PRDM16: variants seen among roughly 807,000 people sequenced by gnomAD.
PRDM16 encodes the protein PR/SET domain 16.
A neutral mutation model predicts 110.6 loss-of-function variants in PRDM16; 23 were observed. The ratio of observed to expected loss-of-function variants is 0.21; its 90% CI spans 0.15 to 0.29. The LOEUF is 0.29. Among genes scored for constraint, PRDM16 ranks in the 10% least tolerant of loss-of-function variants. PRDM16 has a pLI of 1.00. For missense variants in PRDM16, 1,615 were observed against 1,794.3 expected, an observed-to-expected ratio of 0.90 and a Z score of 1.81; for synonymous variants, 799 against 781.8, an observed-to-expected ratio of 1.02 and a Z score of -0.37.
chr1:3,254,055 T>G (rs1639997407), intron 3 of PRDM16, among the ~76,000 whole-genome samples: 1 of 152,190 alleles, frequency 6.6e-6, no homozygotes, highest in Non-Finnish European at 1.5e-5. Context: ...TTGATGGGGT[T>G]GTTTTTTTTC....
chr1:3,417,608 A>T (rs961931090), intron 10 of PRDM16, among the ~76,000 whole-genome samples: 11 of 152,224 alleles, frequency 7.2e-5, no homozygotes, highest in Non-Finnish European at 1.2e-4. Context: ...CTTAAACTAC[A>T]AACGAGGGAC....
chr1:3,139,588 C>A (rs531372137), intron 1 of PRDM16, among the ~76,000 whole-genome samples: 2 of 152,254 alleles, frequency 1.3e-5, no homozygotes, highest in Admixed American at 6.5e-5. Context: ...AATGCCATCG[C>A]GAATAATGCC....
chr1:3,390,834 G>GTTTT lies in PRDM16; in HGVS notation c.573+5564_573+5567dup, dbSNP rs34675402. 2.4e-5 allele frequency among the ~76,000 whole-genome samples: 3 copies of GTTTT among 125,690 alleles called. No individual in the cohort carries two copies. The highest frequency in any genetic ancestry group is 2.4e-4 in the East Asian group (1 of 4,194). 82.5% of individuals were successfully genotyped at this position (125,690 alleles called of 152,430 possible). ...CCTTTGCTTTTATCTCTCACAGTGT[G>GTTTT]TTTTTTTTTTTTTTTTTTTAGACAG... On this transcript the variant is annotated intron_variant, in intron 4 of 16. Transcript: ENST00000270722. This position sits in a 1 kb window ranked among gnomAD's most constrained non-coding sequence, Gnocchi z 5.0.
rs542668680 is a variant in PRDM16, at chr1:3,246,436, G to A, written c.438+2299G>A. On this transcript the variant is annotated intron_variant, in intron 3 of 16. Transcript: ENST00000270722. The surrounding 1 kb of genome is among the most constrained non-coding windows in gnomAD (Gnocchi z 5.2). ...GCACGAGACCCCCCACGGCACCGCC[G>A]CGACTGCAGGGAGCTCAGCGCAGGG... Among the ~76,000 whole-genome samples, 67 of 152,208 alleles carry A rather than the reference G, an allele frequency of 4.4e-4. No homozygotes were observed. The highest frequency in any genetic ancestry group is 1.3e-3 in the African/African-American group (55 of 41,448).
intron 2 of PRDM16, among the ~76,000 whole-genome samples, chr1:3,186,958 C>T (rs1477949868): frequency 1.3e-5 from 2 of 152,210 alleles, no homozygotes; most frequent in African/African-American, 4.8e-5. Flanking sequence ...AGAGCAGCCT[C>T]AGCTTCTCCA....
chr1:3,418,557 C>T, intron 11 of PRDM16, 110 bp from the exon 12 acceptor site: 1 of 742,202 alleles, frequency 1.3e-6, no homozygotes. Flanking sequence ...ATGGGTCCAC[C>T]TGTGCATCAG....
At chr1:3,275,631 G>C (rs1407924302) in intron 3 of PRDM16, among the ~76,000 whole-genome samples, 3 of 152,172 alleles carry the variant, frequency 2.0e-5, no homozygotes, top group African/African-American at 7.2e-5. Flanking sequence ...CGCCAGAGCC[G>C]GTCCTGCCCA....
chr1:3,229,735 T>TA (rs998985423), intron 2 of PRDM16, among the ~76,000 whole-genome samples: 2 of 151,856 alleles, frequency 1.3e-5, no homozygotes, highest in Admixed American at 6.6e-5. Context: ...ATCTTAGGGC[T>TA]AAAAAAAAGA....
chr1:3,368,949 G>A (rs111781506), intron 3 of PRDM16, among the ~76,000 whole-genome samples: 86 of 152,330 alleles, frequency 5.6e-4, no homozygotes, highest in African/African-American at 1.9e-3. Flanking sequence ...CCCTCGGAGA[G>A]GCCGTGGGGT....
intron 2 of PRDM16, among the ~76,000 whole-genome samples, chr1:3,224,770 A>G (rs191118337): frequency 2.0e-5 from 3 of 152,354 alleles, no homozygotes; most frequent in Admixed American, 2.0e-4. Context: ...CTGTGAAGCC[A>G]GGCGGGAGGA....
At chr1:3,231,728 A>G (rs905130) in intron 2 of PRDM16, among the ~76,000 whole-genome samples, 16,145 of 152,280 alleles carry the variant, frequency 0.11, 1,238 homozygotes, top group African/African-American at 0.22. Context: ...AAGGCTGGGC[A>G]GTCCCTGGAC....
rs1379979427 is a variant in PRDM16, at chr1:3,201,264, T to C, written c.387+14790T>C. On this transcript the variant is annotated intron_variant, in intron 2 of 16. Transcript: ENST00000270722. This position sits in a 1 kb window ranked among gnomAD's most constrained non-coding sequence, Gnocchi z 4.1. ...GGGGGGCTGGAGACAAATGTATTTC[T>C]CTTGCCTCTAAAATTCGCTTTGTCA... Among the ~76,000 whole-genome samples, 1 of 144,424 alleles carries C rather than the reference T, an allele frequency of 6.9e-6. No homozygotes were observed. Among genetic ancestry groups the C allele is most frequent in the Non-Finnish European group, 1.5e-5 (1 of 66,348 alleles). The allele number at this position is 144,424 out of a possible 152,430, so 94.7% of individuals were successfully genotyped here. A position where few individuals can be genotyped will look rare whatever the true frequency, so the allele number is the denominator to read the frequency against.
chr1:3,183,615 C>T (rs967598647), intron 1 of PRDM16, among the ~76,000 whole-genome samples: 5 of 152,226 alleles, frequency 3.3e-5, no homozygotes, highest in African/African-American at 7.2e-5. Context: ...AATGCACAGG[C>T]CTGCCTTTAA....
chr1:3,219,548 G>A (rs1321531129), intron 2 of PRDM16, among the ~76,000 whole-genome samples: 1 of 152,204 alleles, frequency 6.6e-6, no homozygotes, highest in Non-Finnish European at 1.5e-5. Flanking sequence ...TTTGGGAACA[G>A]AGAGAGTCAG....
chr1:3,156,318 G>A (rs1464046747), intron 1 of PRDM16, among the ~76,000 whole-genome samples: 3 of 152,162 alleles, frequency 2.0e-5, no homozygotes, highest in Non-Finnish European at 4.4e-5. Context: ...TTGATTTTAG[G>A]TGACTTTGGG....
At chr1:3,180,646 C>T (rs528918390) in intron 1 of PRDM16, among the ~76,000 whole-genome samples, 3 of 152,330 alleles carry the variant, frequency 2.0e-5, no homozygotes, top group Non-Finnish European at 4.4e-5. Flanking sequence ...GAGCGCCATT[C>T]GCTGCCTTGC....
At chr1:3,418,416 G>A (rs751896648) in intron 11 of PRDM16, among the ~76,000 whole-genome samples, 11 of 152,290 alleles carry the variant, frequency 7.2e-5, no homozygotes, top group Non-Finnish European at 1.2e-4. Context: ...CCTGTTCACC[G>A]CCAGACTGAG....
At chr1:3,191,441 C>T (rs1319815403) in intron 2 of PRDM16, among the ~76,000 whole-genome samples, 1 of 152,172 alleles carries the variant, frequency 6.6e-6, no homozygotes, top group Non-Finnish European at 1.5e-5. Flanking sequence ...GAGCCTTTGG[C>T]AGGGCCAGGA....
Position 3,433,723 on chromosome 1 carries a change from C to T in PRDM16, c.3743C>T (p.Thr1248Ile). 1 of 1,614,022 alleles carries T rather than the reference C, an allele frequency of 6.2e-7. No individual in the cohort carries two copies. The highest frequency in any genetic ancestry group is 8.5e-7 in the Non-Finnish European group (1 of 1,179,930). The change falls in exon 17 of 17, where the codon ACC (threonine) becomes ATC (isoleucine). Residue 1248 changes from threonine (T) to isoleucine (I), a missense_variant. By Grantham distance (89) the Thr-to-Ile change is moderately conservative. Around this residue, in one of 5 missense-constraint regions of PRDM16, gnomAD observed 327 missense variants for 359.3 expected, o/e 0.91. Transcript: ENST00000270722. Reference sequence around the variant, plus strand: ...CTTTCCGAAGACACTCCTCTCCACACCCCCTCCCAGGGTTCTCTGGACGCT... The same window carrying T: ...CTTTCCGAAGACACTCCTCTCCACATCCCCTCCCAGGGTTCTCTGGACGCT... ...LSLSEDTPLH[T>I]PSQGSLDAWL...
Sources: gnomAD v4.1 joint callset for allele counts (sites outside exome capture counted in the v4.1 genomes callset) on GRCh38, gnomAD v4.1.1 for gene constraint, gnomAD v4.1.1 regional missense constraint, Gnocchi (gnomAD v3.1) non-coding constraint, MANE v1.5 for transcripts, NCBI Gene and HGNC (gene_info 2026-07-23, HGNC 2026-07-21) for gene names.